TRAPPC3L: variants seen among roughly 807,000 people sequenced by gnomAD.
TRAPPC3L encodes the protein trafficking protein particle complex subunit 3L, also known as trafficking protein particle complex subunit 3-like protein.
In TRAPPC3L, 23 loss-of-function variants were observed where a neutral mutation model predicts 23.7. The ratio of observed to expected loss-of-function variants is 0.97; its 90% CI spans 0.70 to 1.37. The LOEUF (loss-of-function observed/expected upper bound fraction) is 1.37. TRAPPC3L is among the 40% of genes most tolerant of loss of function. The probability of loss-of-function intolerance (pLI) is 0.00; values close to 1 mark genes in which losing one functional copy is unlikely to be tolerated. For missense variants in TRAPPC3L, 212 were observed against 216.8 expected (o/e 0.98, Z 0.14); for synonymous variants, 81 against 77.9 (o/e 1.04, Z -0.21).
intron 3 of TRAPPC3L, among the ~76,000 whole-genome samples, chr6:116,509,992 T>C (rs1382970899): frequency 2.6e-5 from 4 of 151,910 alleles, no homozygotes; most frequent in African/African-American, 7.2e-5. Flanking sequence ...AGAAAACAAA[T>C]AATCCCATCA....
intron 3 of TRAPPC3L, among the ~76,000 whole-genome samples, chr6:116,510,892 C>T (rs1438132492): frequency 3.3e-5 from 5 of 151,690 alleles, no homozygotes; most frequent in Non-Finnish European, 7.4e-5. Context: ...GGCGTTATTC[C>T]AAGCGAAGTA....
chr6:116,539,076 C>T (rs973145290), intron 3 of TRAPPC3L, among the ~76,000 whole-genome samples: 3 of 152,088 alleles, frequency 2.0e-5, no homozygotes, highest in Non-Finnish European at 4.4e-5. Context: ...CTGTGTCTTA[C>T]TAATCAAAAA....
chr6:116,504,542 C>T (rs1771971885), intron 3 of TRAPPC3L, among the ~76,000 whole-genome samples: 1 of 152,122 alleles, frequency 6.6e-6, no homozygotes, highest in Non-Finnish European at 1.5e-5. Flanking sequence ...TGAAGCCAGC[C>T]TCATCCTGAT....
intron 1 of TRAPPC3L, among the ~76,000 whole-genome samples, chr6:116,545,073 A>C (rs956159144): frequency 1.1e-4 from 17 of 151,510 alleles, no homozygotes; most frequent in African/African-American, 4.1e-4. Context: ...ATTTCGATTC[A>C]GTTTTACACA....
chr6:116,531,745 C>T (rs1772738489), intron 3 of TRAPPC3L, among the ~76,000 whole-genome samples: 1 of 152,056 alleles, frequency 6.6e-6, no homozygotes. Context: ...TTAATATTTG[C>T]ATTTTAAATC....
chr6:116,499,414 T>A (rs74527279), intron 4 of TRAPPC3L, among the ~76,000 whole-genome samples: 61 of 152,310 alleles, frequency 4.0e-4, no homozygotes, highest in African/African-American at 1.4e-3. Context: ...GAAATGAAAT[T>A]CCTAAAACAC....
intron 3 of TRAPPC3L, among the ~76,000 whole-genome samples, chr6:116,533,672 T>C (rs1772888403): frequency 1.3e-5 from 2 of 152,204 alleles, no homozygotes; most frequent in African/African-American, 4.8e-5. Flanking sequence ...GCCCTACTTG[T>C]AACGCTAGAG....
At chr6:116,501,553 A>G (rs903949426) in intron 3 of TRAPPC3L, among the ~76,000 whole-genome samples, 2 of 152,234 alleles carry the variant, frequency 1.3e-5, no homozygotes, top group African/African-American at 4.8e-5. Context: ...TAACAGACAG[A>G]CTGCTTCCTC....
intron 3 of TRAPPC3L, among the ~76,000 whole-genome samples, chr6:116,525,867 A>G (rs928211733): frequency 1.3e-5 from 2 of 152,226 alleles, no homozygotes; most frequent in African/African-American, 4.8e-5. Context: ...ATATTTTATC[A>G]TAAAGAGATG....
chr6:116,520,937 T>C (rs1035897696), intron 3 of TRAPPC3L: 27 of 152,072 alleles, frequency 1.8e-4, no homozygotes, highest in African/African-American at 5.3e-4. Flanking sequence ...TGAATTTAAA[T>C]TGGTTCTAGC....
chr6:116,497,390 C>T (rs1037492350), intron 4 of TRAPPC3L, among the ~76,000 whole-genome samples: 1 of 152,124 alleles, frequency 6.6e-6, no homozygotes, highest in African/African-American at 2.4e-5. Context: ...ATTCCCAGCT[C>T]GGGGATAGCC....
chr6:116,542,545 G>T (rs1300022518), intron 2 of TRAPPC3L, among the ~76,000 whole-genome samples: 5 of 151,982 alleles, frequency 3.3e-5, no homozygotes, highest in Non-Finnish European at 7.4e-5. Flanking sequence ...TCCTCTGTTA[G>T]AGTCCTCTTC....
Position 116,500,534 on chromosome 6 carries a change from A to C in TRAPPC3L, c.373T>G (p.Ser125Ala). The change falls in exon 4 of 5, where the codon TCT (serine) becomes GCT (alanine). Residue 125 changes from serine to alanine, a missense_variant. Physicochemically the swap from Ser to Ala is moderately conservative, Grantham distance 99. Coordinates refer to ENST00000368602, the MANE Select transcript of TRAPPC3L (RefSeq NM_001139444.3). ...CAGAGCAAGTTGCAGTAGCACAGAG[A>C]AGATCGCCCAGCAGGGAGCTCTTCC... ...FVEELPAGRSSLCYCNLLCGI... is the reference protein window; with the variant it reads ...FVEELPAGRSALCYCNLLCGI... The C allele has an allele frequency of 1.3e-6, 2 of 1,551,606 alleles. No individual in the cohort carries two copies. Among genetic ancestry groups the C allele is most frequent in the South Asian group, 2.4e-5 (2 of 84,056 alleles).
rs1363715946 is a variant in TRAPPC3L, at chr6:116,543,308, A to T, written c.135T>A (p.Asp45Glu). 7 of 1,547,794 alleles carry T rather than the reference A, an allele frequency of 4.5e-6. No homozygotes were observed. The highest frequency in any genetic ancestry group is 6.1e-6 in the Non-Finnish European group (7 of 1,144,658). The change falls in exon 2 of 5, where the codon GAT (aspartate) becomes GAA (glutamate). Residue 45 changes from aspartate to glutamate, a missense_variant. By Grantham distance (45) the Asp-to-Glu change is conservative (BLOSUM62 2). Transcript: ENST00000368602. Reference protein sequence around the residue: ...EKDEDVNQYLDKMGYGIGTRL... With the variant: ...EKDEDVNQYLEKMGYGIGTRL... The stretch of plus-strand genomic sequence containing the variant: ...AATGAAGGACTTCCACTTACATTTT[A>T]TCTAAATATTGGTTCACATCTTCAT...
intron 3 of TRAPPC3L, among the ~76,000 whole-genome samples, chr6:116,511,288 T>C (rs1554233724): frequency 6.6e-6 from 1 of 151,606 alleles, no homozygotes; most frequent in Non-Finnish European, 1.5e-5. Context: ...AAAACATTCA[T>C]AAAATTCTAG....
intron 3 of TRAPPC3L, chr6:116,517,951 C>G (rs1257075599): frequency 2.0e-5 from 3 of 152,220 alleles, no homozygotes; most frequent in Non-Finnish European, 4.4e-5. Context: ...CTGCATTGCT[C>G]AATACATGAG....
In TRAPPC3L at chr6:116,534,347, C is replaced by G. The variant is rs113015914; in HGVS notation, c.240+6016G>C. The stretch of plus-strand genomic sequence containing the variant: ...TGTATTGGAGATTGGAAATCTATAG[C>G]CCTCATGCTGTCTCCATTCTAAAGC... On this transcript the variant is annotated intron_variant, in intron 3 of 4. Coordinates refer to ENST00000368602, the MANE Select transcript of TRAPPC3L (RefSeq NM_001139444.3). Among the ~76,000 whole-genome samples the G allele has an allele frequency of 7.2e-5, 11 of 152,218 alleles. 1 individual carries two copies. The highest frequency in any genetic ancestry group is 2.4e-4 in the African/African-American group (10 of 41,540).
At chr6:116,520,870 GT>G (rs1323006067) in intron 3 of TRAPPC3L, 1 of 151,982 alleles carries the variant, frequency 6.6e-6, no homozygotes, top group African/African-American at 2.4e-5. Context: ...TATACCATGG[GT>G]TTTCTTGGGC....
rs571670188 is a variant in TRAPPC3L, at chr6:116,528,102, G to A, written c.240+12261C>T. Among the ~76,000 whole-genome samples the A allele has an allele frequency of 2.6e-3, 402 of 152,334 alleles. 1 individual carries two copies. Among genetic ancestry groups the A allele is most frequent in the Non-Finnish European group, 4.1e-3 (277 of 68,026 alleles). ...TAAGGAAGGTGAGAGGCAGTGCTAA[G>A]TTATTTAGTGACTTGCAGAATTTAC... On this transcript the variant is annotated intron_variant, in intron 3 of 4. Transcript: ENST00000368602.
Sources: allele counts gnomAD v4.1 joint callset (sites outside exome capture counted in the v4.1 genomes callset), GRCh38; gene constraint gnomAD v4.1.1; transcripts MANE v1.5; gene names NCBI Gene and HGNC (gene_info 2026-07-23, HGNC 2026-07-21).